The following TMEM156 variants were observed in gnomAD, a reference collection of about 807,000 sequenced individuals.
TMEM156 encodes the protein transmembrane protein 156.
Under a neutral mutation model 30.5 loss-of-function variants are expected in TMEM156, and 28 were observed. The ratio of observed to expected loss-of-function variants is 0.92; its 90% CI spans 0.68 to 1.26. The LOEUF (loss-of-function observed/expected upper bound fraction) is 1.26. Among genes scored for constraint, TMEM156 ranks in the 50% most tolerant of loss-of-function variants. TMEM156 has a pLI of 0.00. For synonymous variants in TMEM156, 137 were observed against 119.9 expected, an observed-to-expected ratio of 1.14 and a Z score of -0.93; for missense variants, 351 against 340.6, an observed-to-expected ratio of 1.03 and a Z score of -0.24.
intron 1 of TMEM156, among the ~76,000 whole-genome samples, chr4:39,000,202 T>C (rs1056063287): frequency 1.3e-5 from 2 of 152,144 alleles, no homozygotes; most frequent in African/African-American, 4.8e-5. Context: ...GAGATCAGCC[T>C]GGACAACATG....
chr4:38,988,964 G>A lies in TMEM156; in HGVS notation c.626C>T (p.Thr209Ile). 1 of 1,610,032 alleles carries A rather than the reference G, an allele frequency of 6.2e-7. No individual in the cohort carries two copies. The highest frequency in any genetic ancestry group is 8.5e-7 in the Non-Finnish European group (1 of 1,177,730). ...ATACCAAGTGATCTTCATGGAACAA[G>A]TGATATCTGTAAAGAAAACAAATAC... ...LHLEMDIKNI[T>I]CSMKITWYIL... The change falls in exon 4 of 7, where the codon ACT becomes ATT. Residue 209 changes from threonine to isoleucine, a missense_variant. Physicochemically the swap from Thr to Ile is moderately conservative, Grantham distance 89. Transcript: ENST00000381938.
intron 1 of TMEM156, among the ~76,000 whole-genome samples, chr4:39,030,964 C>A (rs773450885): frequency 1.8e-4 from 27 of 152,274 alleles, no homozygotes; most frequent in Admixed American, 3.3e-4. Flanking sequence ...GTTTATTTAG[C>A]AAAAATATTT....
intron 3 of TMEM156, among the ~76,000 whole-genome samples, chr4:38,989,951 G>C (rs1235844926): frequency 6.6e-6 from 1 of 151,934 alleles, no homozygotes. Flanking sequence ...TCACCACCAC[G>C]CCCGGCTAAT....
At chr4:38,999,990 A>C (rs73140314) in intron 1 of TMEM156, among the ~76,000 whole-genome samples, 1,588 of 152,328 alleles carry the variant, frequency 0.01, 30 homozygotes, top group African/African-American at 0.036. Context: ...ACAACTTCTA[A>C]AGATGAAATT....
intron 1 of TMEM156, among the ~76,000 whole-genome samples, chr4:39,003,900 T>C (rs1333769682): frequency 6.6e-6 from 1 of 152,178 alleles, no homozygotes; most frequent in African/African-American, 2.4e-5. Context: ...TGTAGTCTTC[T>C]TATTCAATAA....
rs554199670 is a variant in TMEM156 at position 39,025,205 on chromosome 4, C to T, written c.88+7021G>A. 1.7e-4 allele frequency among the ~76,000 whole-genome samples: 26 copies of T among 151,740 alleles called. No homozygotes were observed. The East Asian group carries it at 2.9e-3, about 17-fold the overall frequency. On this transcript the variant is annotated intron_variant, in intron 1 of 6. Transcript: ENST00000381938. ...CTCTACTAAAAATACAAAAATTAGCCAGGCGTGGTGGGGGCGCCTGTAATC... is the reference window on the plus strand; with the variant it reads ...CTCTACTAAAAATACAAAAATTAGCTAGGCGTGGTGGGGGCGCCTGTAATC...
intron 1 of TMEM156, among the ~76,000 whole-genome samples, chr4:39,018,339 A>C (rs181586432): frequency 1.5e-4 from 23 of 152,318 alleles, no homozygotes; most frequent in African/African-American, 5.3e-4. Context: ...TTTCACTGAC[A>C]TACAAATTAG....
At chr4:39,029,367 T>C (rs1715387664) in intron 1 of TMEM156, among the ~76,000 whole-genome samples, 2 of 152,162 alleles carry the variant, frequency 1.3e-5, no homozygotes, top group African/African-American at 4.8e-5. Context: ...TAGAGCACTC[T>C]TAGCTTACCA....
chr4:38,996,020 C>T (rs768301026), intron 2 of TMEM156, among the ~76,000 whole-genome samples: 14 of 152,100 alleles, frequency 9.2e-5, no homozygotes, highest in Non-Finnish European at 1.6e-4. Context: ...TATTTTCAAA[C>T]TGTTTATCTG....
At chr4:38,984,337 C>G (rs1000435074) in intron 5 of TMEM156, among the ~76,000 whole-genome samples, 63 of 115,248 alleles carry the variant, frequency 5.5e-4, no homozygotes, top group Admixed American at 2.3e-3. Context: ...CTCTCTGTCT[C>G]TCTCTCTCTC....
At chr4:39,022,248 C>T (rs2110058710) in intron 1 of TMEM156, among the ~76,000 whole-genome samples, 1 of 152,240 alleles carries the variant, frequency 6.6e-6, no homozygotes, top group South Asian at 2.1e-4. Context: ...GACTCTTTTT[C>T]CTTTCTCCAC....
Position 38,971,101 on chromosome 4 carries a change from T to C in TMEM156, c.860A>G (p.Gln287Arg), listed in dbSNP as rs753169589. The change falls in exon 6 of 7, where the codon CAG (glutamine) becomes CGG (arginine). Residue 287 changes from glutamine (Q) to arginine (R), a missense_variant. Transcript: ENST00000381938. The stretch of plus-strand genomic sequence containing the variant: ...TTCTGGAATTGGGGGAAGCACTTCC[T>C]GGACTTGATCCAAAGGCAGCCTCTG... Reference protein sequence around the residue: ...TTQRLPLDQVQEVLPPIPEL With the variant: ...TTQRLPLDQVREVLPPIPEL 21 of 1,613,950 alleles carry C rather than the reference T, an allele frequency of 1.3e-5. No homozygotes were observed. The highest frequency in any genetic ancestry group is 1.8e-5 in the Non-Finnish European group (21 of 1,179,924).
chr4:38,998,197 A>G (rs1713059976), intron 2 of TMEM156, among the ~76,000 whole-genome samples: 1 of 152,172 alleles, frequency 6.6e-6, no homozygotes, highest in Non-Finnish European at 1.5e-5. Context: ...AAGCCCAGCA[A>G]GTCACTCATC....
chr4:39,015,034 CTAAG>C (rs1341914681), intron 1 of TMEM156, among the ~76,000 whole-genome samples: 3 of 152,074 alleles, frequency 2.0e-5, no homozygotes, highest in Admixed American at 6.5e-5. Flanking sequence ...CCATTGCTTC[CTAAG>C]TAAGTTTCCT....
chr4:38,972,320 C>A (rs1334898399), intron 5 of TMEM156, among the ~76,000 whole-genome samples: 1 of 129,874 alleles, frequency 7.7e-6, no homozygotes, highest in Admixed American at 9.3e-5. Context: ...ATGGTGCGAT[C>A]TCAGCTCACT....
In TMEM156 at chr4:39,011,399, A is replaced by G. The variant is rs145987125; in HGVS notation, c.89-12490T>C. 4.6e-3 allele frequency among the ~76,000 whole-genome samples: 694 copies of G among 152,342 alleles called. 3 individuals are homozygous for G. The highest frequency in any genetic ancestry group is 0.016 in the African/African-American group (654 of 41,580). The stretch of plus-strand genomic sequence containing the variant: ...TGACCGAGTAATCTTATTATTGGGA[A>G]TATACCTAAAAGAAGATAAATCGTT... On this transcript the variant is annotated intron_variant, in intron 1 of 6. Coordinates refer to ENST00000381938, the MANE Select transcript of TMEM156 (RefSeq NM_024943.3).
In TMEM156 at chr4:38,967,164, C is replaced by G. The variant is rs1276720545; in HGVS notation, c.*516G>C. On this transcript the variant is annotated 3_prime_UTR_variant, in exon 7 of 7. Transcript: ENST00000381938. Reference sequence around the variant, plus strand: ...AGCAAGATTCATAAATGCAAACAAACATATAAATAAACAACCAGGCCCTCT... The same window carrying G: ...AGCAAGATTCATAAATGCAAACAAAGATATAAATAAACAACCAGGCCCTCT... 1 of 152,122 alleles carries G rather than the reference C, an allele frequency of 6.6e-6. No homozygotes were observed. The highest frequency in any genetic ancestry group is 1.9e-4 in the East Asian group (1 of 5,202). The allele number at this position is 152,122 out of a possible 1,614,324, so 9.4% of individuals were successfully genotyped here.
At chr4:38,996,156 C>G (rs1712910646) in intron 2 of TMEM156, among the ~76,000 whole-genome samples, 1 of 151,352 alleles carries the variant, frequency 6.6e-6, no homozygotes, top group African/African-American at 2.4e-5. Context: ...GATATATGGC[C>G]TATTGATATA....
chr4:39,008,256 T>G (rs1274683088), intron 1 of TMEM156, among the ~76,000 whole-genome samples: 1 of 152,144 alleles, frequency 6.6e-6, no homozygotes, highest in Non-Finnish European at 1.5e-5. Flanking sequence ...TATAATTATT[T>G]TAGATGCCCT....
Sources: gnomAD v4.1 joint callset for allele counts (sites outside exome capture counted in the v4.1 genomes callset) on GRCh38, gnomAD v4.1.1 for gene constraint, MANE v1.5 for transcripts, NCBI Gene and HGNC (gene_info 2026-07-23, HGNC 2026-07-21) for gene names.